Variants in KIF1B observed in about 807,000 individuals in gnomAD.
KIF1B encodes kinesin-like protein KIF1B.
A neutral mutation model predicts 241.9 loss-of-function variants in KIF1B; 76 were observed. The observed-to-expected ratio is 0.31, with a 90% CI of 0.26 to 0.38. The LOEUF is 0.38. KIF1B is among the 10% of genes least tolerant of loss of function. The pLI, the probability that KIF1B is intolerant of heterozygous loss-of-function variation, is 1.00. For missense variants in KIF1B, 1,622 were observed against 2,271.4 expected (o/e 0.71, Z 5.81); for synonymous variants, 750 against 796.7 (o/e 0.94, Z 0.99).
At chr1:10,361,341 T>C (rs1638415251) in intron 39 of KIF1B, among the ~76,000 whole-genome samples, 1 of 152,202 alleles carries the variant, frequency 6.6e-6, no homozygotes, top group African/African-American at 2.4e-5. Context: ...TTTTTGTAGT[T>C]GTGGACAGAG....
chr1:10,300,472 C>G (rs1336590472), intron 22 of KIF1B, among the ~76,000 whole-genome samples: 1 of 151,516 alleles, frequency 6.6e-6, no homozygotes, highest in East Asian at 1.9e-4. Context: ...GAGTTGAGTT[C>G]TTTTGGATTT....
At chr1:10,339,444 AT>A (rs1048665115) in intron 31 of KIF1B, among the ~76,000 whole-genome samples, 1 of 152,132 alleles carries the variant, frequency 6.6e-6, no homozygotes, top group Non-Finnish European at 1.5e-5. Context: ...ACAAAATGAC[AT>A]TGTTTTTATT....
chr1:10,222,758 T>C (rs570854274), intron 1 of KIF1B, among the ~76,000 whole-genome samples: 1 of 152,314 alleles, frequency 6.6e-6, no homozygotes, highest in East Asian at 1.9e-4. Context: ...CTGGAATTTT[T>C]GCTCCATTCC....
At chr1:10,300,803 A>AGT (rs1650503907) in intron 22 of KIF1B, among the ~76,000 whole-genome samples, 1 of 152,226 alleles carries the variant, frequency 6.6e-6, no homozygotes, top group Non-Finnish European at 1.5e-5. Context: ...AAAATTAGCC[A>AGT]TTATGATTTT....
chr1:10,242,978 T>C (rs1433335124), intron 2 of KIF1B, among the ~76,000 whole-genome samples: 3 of 152,192 alleles, frequency 2.0e-5, no homozygotes, highest in African/African-American at 7.2e-5. Context: ...ACCAGAAAAC[T>C]GTGGGGCCGG....
At chr1:10,329,704 G>T (rs547799423) in intron 27 of KIF1B, among the ~76,000 whole-genome samples, 8 of 152,112 alleles carry the variant, frequency 5.3e-5, no homozygotes, top group Non-Finnish European at 7.4e-5. Context: ...CTGCACTTCA[G>T]CCTGGGCAAC....
chr1:10,274,123 A>G (rs1172207237), intron 10 of KIF1B, among the ~76,000 whole-genome samples: 1 of 151,812 alleles, frequency 6.6e-6, no homozygotes, highest in African/African-American at 2.4e-5. Context: ...TTTTTAGTAG[A>G]GATGGGGTTT....
chr1:10,223,216 C>T (rs1453800267), intron 1 of KIF1B, among the ~76,000 whole-genome samples: 10 of 152,166 alleles, frequency 6.6e-5, no homozygotes, highest in Non-Finnish European at 1.5e-4. Flanking sequence ...GGCTATTGCA[C>T]TTCATCTAGC....
At chr1:10,298,312 G>A (rs145936583) in intron 22 of KIF1B, among the ~76,000 whole-genome samples, 2 of 152,274 alleles carry the variant, frequency 1.3e-5, no homozygotes, top group East Asian at 3.9e-4. Context: ...CTGTGCTTTG[G>A]AGAAGAAGGG....
chr1:10,304,711 A>AT, intron 22 of KIF1B: 1 of 1,597,622 alleles, frequency 6.3e-7, no homozygotes, highest in African/African-American at 1.3e-5. Context: ...TCATGATTTG[A>AT]TTTGGTTCTA....
rs756697948 is a variant in KIF1B, at chr1:10,303,396, T to G, written c.2115+6150T>G. 6.2e-7 allele frequency: 1 copy of G among 1,614,218 alleles called. No homozygotes were observed. Among genetic ancestry groups the G allele is most frequent in the South Asian group, 1.1e-5 (1 of 91,086 alleles). On this transcript the variant is annotated intron_variant, in intron 22 of 48. Coordinates refer to ENST00000676179, the MANE Select transcript of KIF1B (RefSeq NM_001365951.3). The surrounding 1 kb of genome is among the most constrained non-coding windows in gnomAD (Gnocchi z 5.2). The stretch of plus-strand genomic sequence containing the variant: ...GGGTCACAATCTCAGATCTTAAAAT[T>G]CAGGCTGTCAAAGAGATTTGCTATG...
chr1:10,223,692 A>G (rs1252092799), intron 1 of KIF1B, among the ~76,000 whole-genome samples: 1 of 151,386 alleles, frequency 6.6e-6, no homozygotes, highest in Non-Finnish European at 1.5e-5. Context: ...GACTACAGGC[A>G]CGTGCCACCA....
chr1:10,340,417 A>G (rs1028671592), intron 32 of KIF1B, among the ~76,000 whole-genome samples: 2 of 152,222 alleles, frequency 1.3e-5, no homozygotes, highest in African/African-American at 2.4e-5. Context: ...TCATCACAAT[A>G]GCTAATATTC....
At chr1:10,350,054 G>C (rs1267148107) in intron 37 of KIF1B, among the ~76,000 whole-genome samples, 1 of 152,216 alleles carries the variant, frequency 6.6e-6, no homozygotes, top group East Asian at 1.9e-4. Context: ...ACTTTAGGAG[G>C]CTGAGATGGG....
chr1:10,307,127 G>A (rs1001944421), intron 22 of KIF1B: 8 of 1,030,654 alleles, frequency 7.8e-6, no homozygotes, highest in Non-Finnish European at 8.2e-6. Flanking sequence ...CAGATGACCA[G>A]GAAGAAATTA....
rs186393813 is a variant in KIF1B at position 10,342,288 on chromosome 1, C to T, written c.3632+120C>T. The T allele has an allele frequency of 8.8e-5, 67 of 758,080 alleles. No homozygotes were observed. The East Asian group carries it at 9.9e-4, about 11-fold the overall frequency. 47.0% of individuals were successfully genotyped at this position (758,080 alleles called of 1,614,324 possible). A position where few individuals can be genotyped will look rare whatever the true frequency, so the allele number is the denominator to read the frequency against. On this transcript the variant is annotated intron_variant, in intron 33 of 48. Coordinates refer to ENST00000676179, the MANE Select transcript of KIF1B (RefSeq NM_001365951.3). ...TAACTAAATAAGTATTCTATATTAC[C>T]CTGTTTCCTCTTTAGAAACTTCACT...
rs748796865 is a variant in KIF1B, at chr1:10,374,489, T to C, written c.5096+24T>C. On this transcript the variant is annotated intron_variant, in intron 46 of 48. Transcript: ENST00000676179. This position sits in a 1 kb window ranked among gnomAD's most constrained non-coding sequence, Gnocchi z 4.3. ...AGGTGAGTACTATATTGAGCAGGAA[T>C]GCCAGCTATAAAAAACAAATCCACA... 6.2e-7 allele frequency: 1 copy of C among 1,613,654 alleles called. No individual in the cohort carries two copies. The highest frequency in any genetic ancestry group is 1.1e-5 in the South Asian group (1 of 91,074).
At chr1:10,213,123 C>G (rs1646719362) in intron 1 of KIF1B, among the ~76,000 whole-genome samples, 1 of 151,554 alleles carries the variant, frequency 6.6e-6, no homozygotes, top group Non-Finnish European at 1.5e-5. Flanking sequence ...ATTCCATGCC[C>G]TAAGTTAGAA....
rs759751032 is a variant in KIF1B, at chr1:10,282,405, A to G, written c.1306A>G (p.Met436Val). 4 of 1,614,182 alleles carry G rather than the reference A, an allele frequency of 2.5e-6. No homozygotes were observed. Among genetic ancestry groups the G allele is most frequent in the South Asian group, 1.1e-5 (1 of 91,084 alleles). Residue 436 changes from methionine (M) to valine (V), a missense_variant, in exon 15 of 49, where the codon ATG (methionine) becomes GTG (valine). Met to Val is a conservative substitution (Grantham distance 21). This residue lies in a region of KIF1B where 201 missense variants were observed against 301.2 expected (regional missense o/e 0.67). Coordinates refer to ENST00000676179, the MANE Select transcript of KIF1B (RefSeq NM_001365951.3). ...CCCTGGCCATTTTTCCACAGCATCC[A>G]TGGGGTCCCTCACTTCATCCCCATC... The part of the protein sequence containing the change: ...QRPGHFSTAS[M>V]GSLTSSPSSC...
Sources: allele counts gnomAD v4.1 joint callset (sites outside exome capture counted in the v4.1 genomes callset), GRCh38; gene constraint gnomAD v4.1.1; regional missense constraint gnomAD v4.1.1; non-coding constraint Gnocchi (gnomAD v3.1); transcripts MANE v1.5; gene names NCBI Gene and HGNC (gene_info 2026-07-23, HGNC 2026-07-21).